Variants in DNAJC5 observed in about 807,000 individuals in gnomAD.
DNAJC5 encodes the protein dnaJ homolog subfamily C member 5.
A neutral mutation model predicts 23.2 loss-of-function variants in DNAJC5; 1 was observed. The ratio of observed to expected loss-of-function variants is 0.04; its 90% confidence interval spans 0.02 to 0.20. The LOEUF is 0.20. Among genes scored for constraint, DNAJC5 ranks in the 10% least tolerant of loss-of-function variants. The probability of loss-of-function intolerance (pLI) is 1.00; values close to 1 mark genes in which losing one functional copy is unlikely to be tolerated. For synonymous variants in DNAJC5, 136 were observed against 120.0 expected (o/e 1.13, Z -0.87); for missense variants, 180 against 267.0 (o/e 0.67, Z 2.27).
At chr20:63,903,083 C>T (rs1339387114) in intron 1 of DNAJC5, among the ~76,000 whole-genome samples, 1 of 152,152 alleles carries the variant, frequency 6.6e-6, no homozygotes, top group Admixed American at 6.5e-5. Flanking sequence ...AGCAATCCTC[C>T]TATCTCAGCC....
intron 1 of DNAJC5, among the ~76,000 whole-genome samples, chr20:63,902,358 CTTTTTTT>C (rs34309020): frequency 8.4e-5 from 7 of 83,328 alleles, no homozygotes; most frequent in East Asian, 5.1e-4. Context: ...CTGGCCTCAT[CTTTTTTT>C]TTTTTTTTTT....
In DNAJC5 at chr20:63,931,058, G is replaced by C; in HGVS notation, c.493+36G>C. ...GCCCCAGGGCCCGTGTGTGTGTGTG[G>C]GGCAGAGCCAGAATGGGCCCTGAAT... On this transcript the variant is annotated intron_variant, in intron 4 of 4. Coordinates refer to ENST00000360864, the MANE Select transcript of DNAJC5 (RefSeq NM_025219.3). This position sits in a 1 kb window ranked among gnomAD's most constrained non-coding sequence, Gnocchi z 9.6. 1 of 1,600,662 alleles carries C rather than the reference G, an allele frequency of 6.2e-7. No homozygotes were observed. Among genetic ancestry groups the C allele is most frequent in the South Asian group, 1.1e-5 (1 of 90,674 alleles).
rs1275807765 is a variant in DNAJC5, at chr20:63,928,378, C to T, written c.33C>T (p.Thr11=). 2 of 1,614,056 alleles carry T rather than the reference C, an allele frequency of 1.2e-6. No individual in the cohort carries two copies. Among genetic ancestry groups the T allele is most frequent in the East Asian group, 2.2e-5 (1 of 44,890 alleles). Reference sequence around the variant, plus strand: ...ACCAGAGACAGCGCTCACTGTCTACCTCTGGGGAGTCATTGTACCACGTCC... The same window carrying T: ...ACCAGAGACAGCGCTCACTGTCTACTTCTGGGGAGTCATTGTACCACGTCC... MADQRQRSLS[T]SGESLYHVLG... The change falls in exon 2 of 5, where the codon ACC becomes ACT. Residue 11 remains threonine, a synonymous_variant. Coordinates refer to ENST00000360864, the MANE Select transcript of DNAJC5 (RefSeq NM_025219.3). The surrounding 1 kb of genome is among the most constrained non-coding windows in gnomAD (Gnocchi z 4.6).
At chr20:63,914,616 C>CTTT (rs753653056) in intron 1 of DNAJC5, among the ~76,000 whole-genome samples, 4 of 127,902 alleles carry the variant, frequency 3.1e-5, no homozygotes, top group East Asian at 2.3e-4. Flanking sequence ...CGTGCCCGGC[C>CTTT]TTTTTTTTTT....
intron 1 of DNAJC5, among the ~76,000 whole-genome samples, chr20:63,906,202 T>C (rs1470655696): frequency 6.6e-6 from 1 of 151,986 alleles, no homozygotes; most frequent in African/African-American, 2.4e-5. Flanking sequence ...TTTAAAAATA[T>C]GGGGCCAGGC....
At position 63,929,222 on chromosome 20, in the gene DNAJC5, C is replaced by T; in HGVS notation, c.108-90C>T. ...TGGGTGGACCTGCCTTCCACTGCAC[C>T]CGGCAGTGCGTGCGGGTGGGATGGA... is the stretch of plus-strand genomic sequence containing the variant. On this transcript the variant is annotated intron_variant, in intron 2 of 4. Transcript: ENST00000360864. The surrounding 1 kb of genome is among the most constrained non-coding windows in gnomAD (Gnocchi z 8.6). 2.7e-6 allele frequency: 4 copies of T among 1,469,428 alleles called. No individual in the cohort carries two copies. In the South Asian group the frequency reaches 4.8e-5, roughly 18 times the overall value. The allele number at this position is 1,469,428 out of a possible 1,614,324, so 91.0% of individuals were successfully genotyped here.
At chr20:63,911,210 G>T (rs1026582474) in intron 1 of DNAJC5, among the ~76,000 whole-genome samples, 1 of 152,180 alleles carries the variant, frequency 6.6e-6, no homozygotes, top group African/African-American at 2.4e-5. Flanking sequence ...GTGGGGTTTG[G>T]TTTTGTTTCT....
intron 1 of DNAJC5, among the ~76,000 whole-genome samples, chr20:63,914,483 T>C (rs149770742): frequency 0.011 from 1,653 of 152,150 alleles, 22 homozygotes; most frequent in South Asian, 0.035. Context: ...CCTGGCTAAT[T>C]TTTTTTGGTA....
intron 1 of DNAJC5, among the ~76,000 whole-genome samples, chr20:63,916,900 C>T (rs2053518823): frequency 6.6e-6 from 1 of 152,182 alleles, no homozygotes; most frequent in Non-Finnish European, 1.5e-5. Context: ...TTTTGCCTGA[C>T]CACACAGGCA....
At chr20:63,930,049 C>T (rs2053653773) in intron 3 of DNAJC5, among the ~76,000 whole-genome samples, 1 of 152,222 alleles carries the variant, frequency 6.6e-6, no homozygotes, top group Non-Finnish European at 1.5e-5. Flanking sequence ...ATCCGCATTT[C>T]TTCGTTTCCT....
At chr20:63,897,288 G>A (rs1600856162) in intron 1 of DNAJC5, among the ~76,000 whole-genome samples, 1 of 152,304 alleles carries the variant, frequency 6.6e-6, no homozygotes, top group African/African-American at 2.4e-5. Context: ...CAGCTACTAG[G>A]GAGGCTGAGG....
intron 1 of DNAJC5, among the ~76,000 whole-genome samples, chr20:63,902,033 T>G (rs922666918): frequency 6.6e-6 from 1 of 152,062 alleles, no homozygotes; most frequent in Admixed American, 6.6e-5. Flanking sequence ...TCTTTCTTGA[T>G]GTGTTCTTTA....
chr20:63,895,671 G>A (rs1461187818), intron 1 of DNAJC5, among the ~76,000 whole-genome samples: 1 of 152,012 alleles, frequency 6.6e-6, no homozygotes, highest in Non-Finnish European at 1.5e-5. Flanking sequence ...AACCCCCCGG[G>A]GTCTCCTCTC....
chr20:63,916,448 GA>G (rs2146286385), intron 1 of DNAJC5, among the ~76,000 whole-genome samples: 1 of 152,344 alleles, frequency 6.6e-6, no homozygotes, highest in East Asian at 1.9e-4. Context: ...TTCAGAAGGG[GA>G]GGGGGTGCAA....
chr20:63,911,552 TTTTA>T (rs1431905046), intron 1 of DNAJC5, among the ~76,000 whole-genome samples: 2 of 152,272 alleles, frequency 1.3e-5, no homozygotes, highest in East Asian at 3.9e-4. Flanking sequence ...GTGGAAGCAG[TTTTA>T]TTTTCTCTTG....
chr20:63,919,890 G>A lies in DNAJC5; in HGVS notation c.-11-8445G>A, dbSNP rs759522333. 4 of 219,590 alleles carry A rather than the reference G, an allele frequency of 1.8e-5. 1 individual carries two copies. In the East Asian group the frequency reaches 9.6e-4, roughly 53 times the overall value. The allele number at this position is 219,590 out of a possible 1,614,324, so 13.6% of individuals were successfully genotyped here. A position where few individuals can be genotyped will look rare whatever the true frequency, so the allele number is the denominator to read the frequency against. On this transcript the variant is annotated intron_variant, in intron 1 of 4. Coordinates refer to ENST00000360864, the MANE Select transcript of DNAJC5 (RefSeq NM_025219.3). ...CTGTGTGCACATGTGCCCAGGGCCC[G>A]GGACAGCGCCACGGAAGAGGACGCA... is the stretch of plus-strand genomic sequence containing the variant.
At chr20:63,898,708 G>T (rs2053389985) in intron 1 of DNAJC5, among the ~76,000 whole-genome samples, 1 of 152,132 alleles carries the variant, frequency 6.6e-6, no homozygotes, top group Non-Finnish European at 1.5e-5. Context: ...GGGTGTGGTG[G>T]CGGGCACCTG....
At position 63,931,804 on chromosome 20, in the gene DNAJC5, G is replaced by A. The variant is rs2053674924; in HGVS notation, c.*236G>A. ...GTTTTTTTCCCTTTTTTAATAGCAT[G>A]TATGGGGTTCTGTTCCATGTCTGTG... On this transcript the variant is annotated 3_prime_UTR_variant, in exon 5 of 5. Coordinates refer to ENST00000360864, the MANE Select transcript of DNAJC5 (RefSeq NM_025219.3). This position sits in a 1 kb window ranked among gnomAD's most constrained non-coding sequence, Gnocchi z 9.6. 2 of 579,572 alleles carry A rather than the reference G, an allele frequency of 3.5e-6. No homozygotes were observed. The highest frequency in any genetic ancestry group is 5.9e-5 in the East Asian group (2 of 33,778). 35.9% of individuals were successfully genotyped at this position (579,572 alleles called of 1,614,324 possible). A position where few individuals can be genotyped will look rare whatever the true frequency, so the allele number is the denominator to read the frequency against.
intron 1 of DNAJC5, chr20:63,919,445 G>C (rs1451271560): frequency 2.0e-6 from 1 of 501,566 alleles, no homozygotes; most frequent in African/African-American, 2.0e-5. Context: ...GACACACCCG[G>C]CTGTGTGGAC....
Sources: allele counts gnomAD v4.1 joint callset (sites outside exome capture counted in the v4.1 genomes callset), GRCh38; gene constraint gnomAD v4.1.1; non-coding constraint Gnocchi (gnomAD v3.1); transcripts MANE v1.5; gene names NCBI Gene and HGNC (gene_info 2026-07-23, HGNC 2026-07-21).